ACVR1: variants seen among roughly 807,000 people sequenced by gnomAD.
ACVR1 encodes activin receptor type-1.
ACVR1 carries 38 observed loss-of-function variants against 57.1 expected under a neutral mutation model. That is an observed-to-expected ratio of 0.67 (90% CI 0.51 to 0.87). The LOEUF is 0.87. ACVR1 is among the 40% of genes least tolerant of loss of function. ACVR1 has a pLI of 0.00. For missense variants in ACVR1, 463 were observed against 638.2 expected, an observed-to-expected ratio of 0.73 and a Z score of 2.96; for synonymous variants, 212 against 228.1, an observed-to-expected ratio of 0.93 and a Z score of 0.63.
At position 157,749,180 on chromosome 2, in the gene ACVR1, T is replaced by G. The variant is rs1451325908; in HGVS notation, c.1265-10610A>C. 2.0e-5 allele frequency among the ~76,000 whole-genome samples: 3 copies of G among 152,222 alleles called. No individual in the cohort carries two copies. The East Asian group carries it at 5.8e-4, about 29-fold the overall frequency. ...AACCACTTTGTGGGTAGTTGGGGCATGCCCAATTTGAAAGAGTATACTTAG... is the reference window on the plus strand; with the variant it reads ...AACCACTTTGTGGGTAGTTGGGGCAGGCCCAATTTGAAAGAGTATACTTAG... On this transcript the variant is annotated intron_variant, in intron 9 of 10. Coordinates refer to ENST00000434821, the MANE Select transcript of ACVR1 (RefSeq NM_001111067.4).
chr2:157,777,001 A>G (rs1455201780), intron 5 of ACVR1, among the ~76,000 whole-genome samples: 1 of 152,182 alleles, frequency 6.6e-6, no homozygotes, highest in Non-Finnish European at 1.5e-5. Flanking sequence ...GCACTCACTT[A>G]ACACCCACAA....
At chr2:157,805,151 C>T (rs530399152) in intron 2 of ACVR1, among the ~76,000 whole-genome samples, 1 of 152,306 alleles carries the variant, frequency 6.6e-6, no homozygotes, top group African/African-American at 2.4e-5. Context: ...TTATGGGTAG[C>T]ATACAGTTAA....
chr2:157,786,573 C>G (rs974360986), intron 3 of ACVR1, among the ~76,000 whole-genome samples: 1 of 152,050 alleles, frequency 6.6e-6, no homozygotes. Flanking sequence ...CTTGGGCTCA[C>G]GAATATAGAA....
intron 2 of ACVR1, among the ~76,000 whole-genome samples, chr2:157,810,407 T>C (rs1473464191): frequency 6.6e-6 from 1 of 152,150 alleles, no homozygotes; most frequent in African/African-American, 2.4e-5. Context: ...CCAGGCCCCA[T>C]TCCTTCCTTC....
intron 1 of ACVR1, among the ~76,000 whole-genome samples, chr2:157,853,657 T>C (rs995160625): frequency 3.3e-5 from 5 of 152,210 alleles, no homozygotes; most frequent in Non-Finnish European, 5.9e-5. Flanking sequence ...AGCTAGCATA[T>C]TTCAGGATAA....
rs1684562716 is a variant in ACVR1 at position 157,737,172 on chromosome 2, C to T, written c.*359G>A. The T allele has an allele frequency of 2.8e-6, 1 of 352,992 alleles. No homozygotes were observed. The highest frequency in any genetic ancestry group is 5.3e-6 in the Non-Finnish European group (1 of 189,372). 21.9% of individuals were successfully genotyped at this position (352,992 alleles called of 1,614,324 possible). Reference sequence around the variant, plus strand: ...AAAATTCACCACCTCCTTGAGTTTCCCGTGGGGAGTGTCTAGGAGACTTGT... The same window carrying T: ...AAAATTCACCACCTCCTTGAGTTTCTCGTGGGGAGTGTCTAGGAGACTTGT... On this transcript the variant is annotated 3_prime_UTR_variant, in exon 11 of 11. Coordinates refer to ENST00000434821, the MANE Select transcript of ACVR1 (RefSeq NM_001111067.4).
chr2:157,868,608 C>T (rs1690020303), intron 1 of ACVR1, among the ~76,000 whole-genome samples: 2 of 152,180 alleles, frequency 1.3e-5, no homozygotes, highest in South Asian at 2.1e-4. Flanking sequence ...ACAACCTATA[C>T]ACATACAGAT....
At chr2:157,832,707 GC>G (rs1243510612) in intron 1 of ACVR1, among the ~76,000 whole-genome samples, 1 of 152,120 alleles carries the variant, frequency 6.6e-6, no homozygotes, top group Non-Finnish European at 1.5e-5. Context: ...AGAACACATA[GC>G]TTTGCATCAG....
rs116249145 is a variant in ACVR1 at position 157,785,357 on chromosome 2, T to C, written c.68-4757A>G. ...AAATGGCAAGCTTATATGAGGTTTA[T>C]AGATTATAGGAGTCCTTCCATCGTC... On this transcript the variant is annotated intron_variant, in intron 3 of 10. Coordinates refer to ENST00000434821, the MANE Select transcript of ACVR1 (RefSeq NM_001111067.4). Among the ~76,000 whole-genome samples the C allele has an allele frequency of 6.5e-3, 983 of 152,352 alleles. 5 individuals carry two copies. Among genetic ancestry groups the C allele is most frequent in the Non-Finnish European group, 0.01 (700 of 68,022 alleles).
chr2:157,842,421 T>TA (rs966590710), intron 1 of ACVR1, among the ~76,000 whole-genome samples: 1 of 152,208 alleles, frequency 6.6e-6, no homozygotes, highest in African/African-American at 2.4e-5. Flanking sequence ...ACTGAGCACC[T>TA]ACAATGAGCC....
At chr2:157,756,014 A>T (rs1685412574) in intron 9 of ACVR1, among the ~76,000 whole-genome samples, 1 of 152,036 alleles carries the variant, frequency 6.6e-6, no homozygotes, top group Non-Finnish European at 1.5e-5. Context: ...AAACCCAAAT[A>T]CTTAACATCC....
chr2:157,820,898 C>G (rs1236609497), intron 1 of ACVR1, among the ~76,000 whole-genome samples: 13 of 152,108 alleles, frequency 8.5e-5, no homozygotes, highest in Admixed American at 8.5e-4. Flanking sequence ...ATACTTGGTA[C>G]TCAAGAGTTA....
chr2:157,861,766 A>C (rs1344312291), intron 1 of ACVR1, among the ~76,000 whole-genome samples: 1 of 152,234 alleles, frequency 6.6e-6, no homozygotes, highest in Non-Finnish European at 1.5e-5. Flanking sequence ...CATCATACTT[A>C]AGAGAGCATT....
intron 1 of ACVR1, among the ~76,000 whole-genome samples, chr2:157,840,820 G>A (rs975246316): frequency 7.2e-5 from 11 of 152,248 alleles, no homozygotes; most frequent in African/African-American, 2.2e-4. Context: ...GCGATCACGC[G>A]CCACATCCTG....
chr2:157,761,599 T>TG, intron 8 of ACVR1, among the ~76,000 whole-genome samples: 1 of 152,340 alleles, frequency 6.6e-6, no homozygotes, highest in Admixed American at 6.5e-5. Flanking sequence ...TGAGCAGTAA[T>TG]GCTGACCAAA....
At chr2:157,855,345 C>A (rs186085624) in intron 1 of ACVR1, among the ~76,000 whole-genome samples, 12,845 of 126,174 alleles carry the variant, frequency 0.1, 932 homozygotes, top group African/African-American at 0.18. Flanking sequence ...CACACACACA[C>A]AAAAATTAGC....
chr2:157,856,101 G>A lies in ACVR1; in HGVS notation c.-183+19695C>T, dbSNP rs367577109. ...TACAGATTCTTTGACAAGACTCTAC[G>A]AGACAGATTATATCCTCCCAGCCCT... On this transcript the variant is annotated intron_variant, in intron 1 of 10. Transcript: ENST00000434821. 7.2e-4 allele frequency among the ~76,000 whole-genome samples: 109 copies of A among 151,966 alleles called. No individual in the cohort carries two copies. The South Asian group carries it at 0.02, about 28-fold the overall frequency.
At chr2:157,820,241 G>A (rs1688115333) in intron 1 of ACVR1, among the ~76,000 whole-genome samples, 1 of 152,212 alleles carries the variant, frequency 6.6e-6, no homozygotes, top group South Asian at 2.1e-4. Context: ...TTAGCAAAGT[G>A]AAAGAGCAAA....
At chr2:157,855,196 G>A (rs1343405668) in intron 1 of ACVR1, among the ~76,000 whole-genome samples, 1 of 149,214 alleles carries the variant, frequency 6.7e-6, no homozygotes, top group Admixed American at 6.7e-5. Flanking sequence ...AGGGCAGACT[G>A]CTTTGAGCTT....
Sources: gnomAD v4.1 joint callset for allele counts (sites outside exome capture counted in the v4.1 genomes callset) on GRCh38, gnomAD v4.1.1 for gene constraint, MANE v1.5 for transcripts, NCBI Gene and HGNC (gene_info 2026-07-23, HGNC 2026-07-21) for gene names.